The following COG5 variants were observed in gnomAD, a reference collection of about 807,000 sequenced individuals.
The protein encoded by COG5 is component of oligomeric golgi complex 5, also known as conserved oligomeric Golgi complex subunit 5.
COG5 carries 86 observed loss-of-function variants against 110.4 expected under a neutral mutation model. The observed-to-expected ratio is 0.78, with a 90% CI of 0.65 to 0.93. The LOEUF is 0.93. Among genes scored for constraint, COG5 ranks in the 40% least tolerant of loss-of-function variants. The pLI, the probability that COG5 is intolerant of heterozygous loss-of-function variation, is 0.00. For missense variants in COG5, 1,077 were observed against 987.0 expected, an observed-to-expected ratio of 1.09 and a Z score of -1.22; for synonymous variants, 360 against 334.6, an observed-to-expected ratio of 1.08 and a Z score of -0.83.
chr7:107,300,237 G>A (rs1275117787), intron 11 of COG5, among the ~76,000 whole-genome samples: 3 of 151,990 alleles, frequency 2.0e-5, no homozygotes, highest in Non-Finnish European at 4.4e-5. Flanking sequence ...ATACTTAAGA[G>A]AATAAGTAAT....
chr7:107,230,720 G>A (rs755107179), intron 18 of COG5, 29 bp from the exon 19 acceptor site: 1 of 1,512,468 alleles, frequency 6.6e-7, no homozygotes, highest in Non-Finnish European at 9.2e-7. Context: ...CTCCATTGTT[G>A]TAATGTCAGA....
chr7:107,383,358 G>T (rs1021983170), intron 7 of COG5, among the ~76,000 whole-genome samples: 3 of 152,138 alleles, frequency 2.0e-5, no homozygotes, highest in Non-Finnish European at 4.4e-5. Flanking sequence ...GACAACAGAG[G>T]TTAAAAGGCA....
Position 107,258,280 on chromosome 7 carries a change from AC to A in COG5, c.1678del (p.Val560Ter), listed in dbSNP as rs1011692811. ...VNSLYKLHQS[V>X]TKVVSSQSSF... The stretch of plus-strand genomic sequence containing the variant: ...ACTTAATAAAATAGTTACCTTTGTT[AC>A]TGATTGGTGCAACTTATACAATGAA... On this transcript the variant is annotated frameshift_variant, in exon 15 of 22. Coordinates refer to ENST00000297135, the MANE Select transcript of COG5 (RefSeq NM_006348.5). LOFTEE classifies it high-confidence loss of function. 1 of 1,589,298 alleles carries A rather than the reference AC, an allele frequency of 6.3e-7. No homozygotes were observed. Among genetic ancestry groups the A allele is most frequent in the African/African-American group, 1.3e-5 (1 of 74,400 alleles).
At chr7:107,380,241 A>C (rs1294566455) in intron 7 of COG5, among the ~76,000 whole-genome samples, 1 of 152,202 alleles carries the variant, frequency 6.6e-6, no homozygotes, top group Non-Finnish European at 1.5e-5. Flanking sequence ...CCCTAACATC[A>C]CAATTAAAAG....
chr7:107,451,498 A>G (rs557493630), intron 6 of COG5, among the ~76,000 whole-genome samples: 21 of 152,214 alleles, frequency 1.4e-4, no homozygotes, highest in Non-Finnish European at 1.3e-4. Flanking sequence ...TAGAGAAATG[A>G]AAAAGCAAAA....
At chr7:107,509,799 A>T (rs1036972057) in intron 6 of COG5, among the ~76,000 whole-genome samples, 4 of 152,212 alleles carry the variant, frequency 2.6e-5, no homozygotes, top group Non-Finnish European at 5.9e-5. Context: ...CAGCCAAACT[A>T]AGCTTCATAA....
chr7:107,233,957 T>C (rs975887126), intron 18 of COG5, among the ~76,000 whole-genome samples: 4 of 152,178 alleles, frequency 2.6e-5, no homozygotes, highest in Admixed American at 6.5e-5. Flanking sequence ...TTAATTTTAA[T>C]TTAAAAAGTG....
At chr7:107,402,525 A>T (rs1192742310) in intron 7 of COG5, among the ~76,000 whole-genome samples, 1 of 152,236 alleles carries the variant, frequency 6.6e-6, no homozygotes, top group African/African-American at 2.4e-5. Context: ...GTGACGCAGG[A>T]ACTGATCCAG....
chr7:107,343,216 A>G (rs1168833226), intron 10 of COG5, among the ~76,000 whole-genome samples: 2 of 152,156 alleles, frequency 1.3e-5, no homozygotes, highest in Admixed American at 1.3e-4. Context: ...CGGGTCTACT[A>G]GAGGAGGCAA....
chr7:107,402,474 T>C (rs1791507585), intron 7 of COG5, among the ~76,000 whole-genome samples: 2 of 152,204 alleles, frequency 1.3e-5, no homozygotes, highest in East Asian at 1.9e-4. Flanking sequence ...ATCTTCCTAA[T>C]TAAAATGTCA....
chr7:107,474,060 A>C lies in COG5; in HGVS notation c.538+53177T>G. On this transcript the variant is annotated intron_variant, in intron 6 of 21. Coordinates refer to ENST00000297135, the MANE Select transcript of COG5 (RefSeq NM_006348.5). This position sits in a 1 kb window ranked among gnomAD's most constrained non-coding sequence, Gnocchi z 5.7. ...GGAAAAAAACCAACTGCTCCAAAAG[A>C]ATGTGTTTTTCTCCCATTCTGGAAA... 1 of 1,525,486 alleles carries C rather than the reference A, an allele frequency of 6.6e-7. No individual in the cohort carries two copies. Among genetic ancestry groups the C allele is most frequent in the Non-Finnish European group, 8.9e-7 (1 of 1,124,836 alleles). The allele number at this position is 1,525,486 out of a possible 1,614,324, so 94.5% of individuals were successfully genotyped here. A position where few individuals can be genotyped will look rare whatever the true frequency, so the allele number is the denominator to read the frequency against.
At chr7:107,249,690 T>TTGTGTGTGTGTGTG (rs57572752) in intron 16 of COG5, among the ~76,000 whole-genome samples, 2 of 131,658 alleles carry the variant, frequency 1.5e-5, no homozygotes, top group Non-Finnish European at 3.4e-5. Flanking sequence ...ACGTACAGGA[T>TTGTGTGTGTGTGTG]TGTGTGTGTG....
chr7:107,295,742 CA>C (rs1376865896), intron 12 of COG5, among the ~76,000 whole-genome samples: 2 of 152,094 alleles, frequency 1.3e-5, no homozygotes, highest in African/African-American at 2.4e-5. Context: ...AGTGAAAACA[CA>C]GTAGCTTTTT....
chr7:107,519,761 T>C (rs1029371811), intron 6 of COG5, among the ~76,000 whole-genome samples: 2 of 151,946 alleles, frequency 1.3e-5, no homozygotes, highest in Non-Finnish European at 2.9e-5. Context: ...TCCAAACAAC[T>C]GAAAAGGAGG....
At chr7:107,370,133 A>C (rs1814000627) in intron 8 of COG5, among the ~76,000 whole-genome samples, 1 of 151,800 alleles carries the variant, frequency 6.6e-6, no homozygotes, top group Non-Finnish European at 1.5e-5. Flanking sequence ...TTCTCTTCTT[A>C]GGAAGTCTCA....
chr7:107,373,108 T>G (rs915668389), intron 7 of COG5, among the ~76,000 whole-genome samples: 1 of 152,126 alleles, frequency 6.6e-6, no homozygotes, highest in African/African-American at 2.4e-5. Flanking sequence ...AAATAACATT[T>G]GTTATTTCTA....
intron 6 of COG5, among the ~76,000 whole-genome samples, chr7:107,494,110 G>C (rs1798127010): frequency 6.6e-6 from 1 of 152,092 alleles, no homozygotes; most frequent in Non-Finnish European, 1.5e-5. Context: ...TAAAATTTAA[G>C]TTTATATTTA....
intron 14 of COG5, among the ~76,000 whole-genome samples, chr7:107,270,498 C>T (rs1022157967): frequency 1.3e-5 from 2 of 152,062 alleles, no homozygotes; most frequent in African/African-American, 2.4e-5. Context: ...ATGGCTCAAG[C>T]GATCCACCTG....
At chr7:107,516,942 G>A (rs56949084) in intron 6 of COG5, among the ~76,000 whole-genome samples, 19,137 of 152,188 alleles carry the variant, frequency 0.13, 1,509 homozygotes, top group Non-Finnish European at 0.17. Flanking sequence ...ACCAGAATGC[G>A]TCTTCTCCTC....
Sources: allele counts gnomAD v4.1 joint callset (sites outside exome capture counted in the v4.1 genomes callset), GRCh38; gene constraint gnomAD v4.1.1; non-coding constraint Gnocchi (gnomAD v3.1); transcripts MANE v1.5; gene names NCBI Gene and HGNC (gene_info 2026-07-23, HGNC 2026-07-21).